The following ZNF273 variants were observed in gnomAD, a reference collection of about 807,000 sequenced individuals.
The protein encoded by ZNF273 is zinc finger protein 273.
Under a neutral mutation model 14.9 loss-of-function variants are expected in ZNF273, and 11 were observed. That is an observed-to-expected ratio of 0.74 (90% CI 0.46 to 1.22). The LOEUF is 1.22. Among genes scored for constraint, ZNF273 ranks in the 50% most tolerant of loss-of-function variants. The pLI is 0.00. For synonymous variants in ZNF273, 199 were observed against 223.9 expected (o/e 0.89, Z 0.99); for missense variants, 577 against 660.6 (o/e 0.87, Z 1.39).
intron 1 of ZNF273, among the ~76,000 whole-genome samples, 164 bp downstream of exon 1, chr7:64,903,583 A>G (rs1792882990): frequency 6.6e-6 from 1 of 152,122 alleles, no homozygotes. Context: ...CAGTCATAAG[A>G]TGGCTGCTGG....
exon 2 of ZNF273, chr7:64,888,656 C>T: frequency 5.1e-6 from 5 of 985,856 alleles, no homozygotes; most frequent in Non-Finnish European, 4.8e-6. Flanking sequence ...TGCCCCTGAC[C>T]AGGGGGCCGC....
chr7:64,890,150 T>G (rs1791889238), downstream of ZNF273: 1 of 152,994 alleles, frequency 6.5e-6, no homozygotes, highest in African/African-American at 2.4e-5. Context: ...ACAGGTTTTG[T>G]GGACAGGTGA....
rs1245496153 is a variant in ZNF273 at position 64,904,604 on chromosome 7, T to A, written c.102+1185T>A. The stretch of plus-strand genomic sequence containing the variant: ...AGTAAAATACCAAATTTCCAGTTTT[T>A]TCTGACATTCCGAAATGCCAACTTC... On this transcript the variant is annotated intron_variant, in intron 1 of 3. Coordinates refer to ENST00000476120, the MANE Select transcript of ZNF273 (RefSeq NM_021148.3). Among the ~76,000 whole-genome samples the A allele has an allele frequency of 2.0e-5, 3 of 152,220 alleles. No individual in the cohort carries two copies. In the South Asian group the frequency reaches 6.2e-4, roughly 32 times the overall value.
chr7:64,883,217 C>CCT (rs1554378892), downstream of ZNF273, among the ~76,000 whole-genome samples: 5 of 143,624 alleles, frequency 3.5e-5, no homozygotes, highest in African/African-American at 1.3e-4. Context: ...AATCACCACC[C>CCT]CCCCCTCACC....
At chr7:64,933,828 T>C (rs1038695277), downstream of ZNF273, among the ~76,000 whole-genome samples, 2 of 152,244 alleles carry the variant, frequency 1.3e-5, no homozygotes, top group Non-Finnish European at 2.9e-5. Context: ...TGTCAAATGC[T>C]TAATTCCAAG....
chr7:64,930,962 A>G lies in ZNF273; in HGVS notation c.*1924A>G, dbSNP rs570629443. On this transcript the variant is annotated 3_prime_UTR_variant, in exon 4 of 4. Transcript: ENST00000476120. ...AATTACAAAAGTATGAATAAAATAC[A>G]TACATTTCTGAGTCCTGAATATTTT... 1 of 152,280 alleles carries G rather than the reference A, an allele frequency of 6.6e-6. No individual in the cohort carries two copies. Among genetic ancestry groups the G allele is most frequent in the South Asian group, 2.1e-4 (1 of 4,828 alleles). The allele number at this position is 152,280 out of a possible 1,614,324, so 9.4% of individuals were successfully genotyped here.
intron 1 of ZNF273, among the ~76,000 whole-genome samples, chr7:64,886,803 T>G (rs968272255): frequency 6.6e-6 from 1 of 152,190 alleles, no homozygotes; most frequent in African/African-American, 2.4e-5. Context: ...ATCAAAACAG[T>G]AATTGATGCT....
chr7:64,901,264 A>G (rs1792697315), upstream of ZNF273, among the ~76,000 whole-genome samples: 2 of 152,058 alleles, frequency 1.3e-5, no homozygotes, highest in Admixed American at 6.6e-5. Flanking sequence ...CAGCCTCCCA[A>G]AGTGCTGGGA....
chr7:64,915,708 G>T (rs1464102605), intron 1 of ZNF273, among the ~76,000 whole-genome samples: 1 of 152,188 alleles, frequency 6.6e-6, no homozygotes, highest in African/African-American at 2.4e-5. Flanking sequence ...TTTGTTTATG[G>T]CCAGTTTTGG....
chr7:64,889,346 A>T (rs1035254013), downstream of ZNF273: 2 of 958,264 alleles, frequency 2.1e-6, no homozygotes, highest in Non-Finnish European at 2.5e-6. This position sits in a 1 kb window ranked among gnomAD's most constrained non-coding sequence, Gnocchi z 4.2. Context: ...CCGCCCCAAC[A>T]GCTGGTGCTG....
chr7:64,931,233 TAAC>T (rs377671800), downstream of ZNF273, among the ~76,000 whole-genome samples: 366 of 152,262 alleles, frequency 2.4e-3, 15 homozygotes, highest in South Asian at 0.074. Flanking sequence ...ATTAGAAAAC[TAAC>T]AACCTCAAAA....
downstream of ZNF273, among the ~76,000 whole-genome samples, chr7:64,934,982 G>T (rs1344933720): frequency 6.6e-6 from 1 of 151,990 alleles, no homozygotes; most frequent in Admixed American, 6.6e-5. Flanking sequence ...ATGTTCTTTA[G>T]ATTATAATGT....
intron 1 of ZNF273, among the ~76,000 whole-genome samples, chr7:64,912,422 G>C (rs1044745673): frequency 4.6e-5 from 7 of 152,118 alleles, no homozygotes; most frequent in Non-Finnish European, 8.8e-5. Context: ...TGCTAGAATC[G>C]AAGTCTCTTC....
downstream of ZNF273, among the ~76,000 whole-genome samples, chr7:64,892,660 C>A (rs1792106806): frequency 6.6e-6 from 1 of 152,066 alleles, no homozygotes; most frequent in Non-Finnish European, 1.5e-5. Context: ...AGAGGGGTCC[C>A]AAATGGGCTG....
chr7:64,888,718 G>A (rs1791763624), exon 2 of ZNF273: 1 of 985,842 alleles, frequency 1.0e-6, no homozygotes, highest in Middle Eastern at 5.2e-4. Flanking sequence ...AGGACAGCGG[G>A]ATGGGAGAGT....
At chr7:64,894,069 A>G (rs1461325315), downstream of ZNF273, among the ~76,000 whole-genome samples, 1 of 152,050 alleles carries the variant, frequency 6.6e-6, no homozygotes, top group Non-Finnish European at 1.5e-5. Flanking sequence ...CAGTGGTGCA[A>G]TCTGGGCTCA....
At chr7:64,910,233 C>T (rs1327841384) in intron 1 of ZNF273, among the ~76,000 whole-genome samples, 1 of 152,110 alleles carries the variant, frequency 6.6e-6, no homozygotes. Flanking sequence ...GTATCCTCAA[C>T]ATGAAATATT....
intron 1 of ZNF273, among the ~76,000 whole-genome samples, chr7:64,886,338 T>C (rs574849772): frequency 6.6e-6 from 1 of 152,306 alleles, no homozygotes; most frequent in African/African-American, 2.4e-5. Flanking sequence ...GGGGTAGACA[T>C]GTCAGGATGC....
At chr7:64,908,217 T>C (rs1018377393) in intron 1 of ZNF273, among the ~76,000 whole-genome samples, 2 of 152,258 alleles carry the variant, frequency 1.3e-5, no homozygotes, top group Non-Finnish European at 2.9e-5. Context: ...TCCACTTACA[T>C]TGCACTATTC....
Sources: gnomAD v4.1 joint callset for allele counts (sites outside exome capture counted in the v4.1 genomes callset) on GRCh38, gnomAD v4.1.1 for gene constraint, Gnocchi (gnomAD v3.1) non-coding constraint, MANE v1.5 for transcripts, NCBI Gene and HGNC (gene_info 2026-07-23, HGNC 2026-07-21) for gene names.